The following PRKCQ variants were observed in gnomAD, a reference collection of about 807,000 sequenced individuals.
PRKCQ encodes protein kinase C theta type.
Under a neutral mutation model 91.2 loss-of-function variants are expected in PRKCQ, and 41 were observed. The ratio of observed to expected loss-of-function variants is 0.45; its 90% confidence interval spans 0.35 to 0.58. The LOEUF (loss-of-function observed/expected upper bound fraction) is 0.58, where lower values mean the gene tolerates loss of function less well. Among genes scored for constraint, PRKCQ ranks in the 20% least tolerant of loss-of-function variants. The pLI, the probability that PRKCQ is intolerant of heterozygous loss-of-function variation, is 0.00. For missense variants in PRKCQ, 673 were observed against 896.5 expected, an observed-to-expected ratio of 0.75 and a Z score of 3.18; for synonymous variants, 307 against 316.9, an observed-to-expected ratio of 0.97 and a Z score of 0.33.
At chr10:6,459,901 G>A (rs941710770) in intron 14 of PRKCQ, among the ~76,000 whole-genome samples, 1 of 152,196 alleles carries the variant, frequency 6.6e-6, no homozygotes, top group Non-Finnish European at 1.5e-5. Context: ...AACAAATTCA[G>A]AAAATTATTA....
In PRKCQ at chr10:6,523,536, C is replaced by T. The variant is rs982956042; in HGVS notation, c.-9-8392G>A. Among the ~76,000 whole-genome samples, 5 of 152,202 alleles carry T rather than the reference C, an allele frequency of 3.3e-5. No homozygotes were observed. In the East Asian group the frequency reaches 5.8e-4, roughly 18 times the overall value. ...ATACAGTGACAAAGGAAACCGAAGG[C>T]TAACAGTCAACCCTCAGTCAGAACT... On this transcript the variant is annotated intron_variant, in intron 1 of 17. Transcript: ENST00000263125.
intron 13 of PRKCQ, among the ~76,000 whole-genome samples, chr10:6,462,887 C>A (rs1290201670): frequency 6.6e-6 from 1 of 151,808 alleles, no homozygotes; most frequent in Non-Finnish European, 1.5e-5. Flanking sequence ...CGCCTGTAGC[C>A]CCATCTACTC....
At chr10:6,457,469 C>G (rs1306336007) in intron 14 of PRKCQ, among the ~76,000 whole-genome samples, 2 of 152,164 alleles carry the variant, frequency 1.3e-5, no homozygotes, top group African/African-American at 4.8e-5. Context: ...AAAATGACAT[C>G]AAGTTTTCTC....
rs570994783 is a variant in PRKCQ at position 6,544,874 on chromosome 10, C to A, written c.-9-29730G>T. 2.6e-5 allele frequency among the ~76,000 whole-genome samples: 4 copies of A among 152,272 alleles called. No homozygotes were observed. The South Asian group carries it at 8.3e-4, about 32-fold the overall frequency. On this transcript the variant is annotated intron_variant, in intron 1 of 17. Transcript: ENST00000263125. ...TGACCTCATGATCCGCCTGCCTCGG[C>A]CTCCCAAAGTGCTGGGATTACAGGC...
intron 1 of PRKCQ, among the ~76,000 whole-genome samples, chr10:6,522,081 A>T (rs1292609002): frequency 6.6e-6 from 1 of 152,114 alleles, no homozygotes; most frequent in Non-Finnish European, 1.5e-5. Context: ...TAGCGGGATT[A>T]CAGGTGCGTG....
intron 8 of PRKCQ, among the ~76,000 whole-genome samples, chr10:6,491,148 A>G (rs1837274013): frequency 2.0e-5 from 3 of 152,214 alleles, no homozygotes; most frequent in African/African-American, 7.2e-5. Context: ...CTTGGAGTTC[A>G]CAGCAATGGT....
rs1216275498 is a variant in PRKCQ at position 6,452,795 on chromosome 10, C to A, written c.1647+3879G>T. On this transcript the variant is annotated intron_variant, in intron 15 of 17. Coordinates refer to ENST00000263125, the MANE Select transcript of PRKCQ (RefSeq NM_006257.5). ...TTATCTACAACTATCTGATCTTTGA[C>A]AAACCTGAGAAAAACAAGCAATGGG... Among the ~76,000 whole-genome samples, 3 of 150,310 alleles carry A rather than the reference C, an allele frequency of 2.0e-5. No homozygotes were observed. In the East Asian group the frequency reaches 5.9e-4, roughly 29 times the overall value.
At chr10:6,537,889 C>G (rs572908736) in intron 1 of PRKCQ, among the ~76,000 whole-genome samples, 1 of 152,222 alleles carries the variant, frequency 6.6e-6, no homozygotes, top group Admixed American at 6.5e-5. Flanking sequence ...CAGCGCCCCC[C>G]TTCCCTGCAC....
chr10:6,398,073 G>A, the PRKCQ span, among the ~76,000 whole-genome samples: 1 of 152,212 alleles, frequency 6.6e-6, no homozygotes, highest in South Asian at 2.1e-4. Context: ...TGAGATTGGG[G>A]TTCAAGCTCA....
chr10:6,428,379 G>T lies in PRKCQ; in HGVS notation c.1966-17C>A. ...TGGTGATTTCTTAGTCAGAGTTTAA[G>T]GGAAGAAAGAAAGAGAAGAAAAATC... On this transcript the variant is annotated splice_polypyrimidine_tract_variant and intron_variant, in intron 17 of 17. Coordinates refer to ENST00000263125, the MANE Select transcript of PRKCQ (RefSeq NM_006257.5). 6.2e-7 allele frequency: 1 copy of T among 1,605,920 alleles called. No individual in the cohort carries two copies. The highest frequency in any genetic ancestry group is 8.5e-7 in the Non-Finnish European group (1 of 1,175,964).
intron 1 of PRKCQ, among the ~76,000 whole-genome samples, chr10:6,564,421 A>T (rs1461838221): frequency 6.6e-6 from 1 of 152,046 alleles, no homozygotes; most frequent in African/African-American, 2.4e-5. Flanking sequence ...ATGCCACTGT[A>T]CTGCTCGCCC....
intron 14 of PRKCQ, among the ~76,000 whole-genome samples, chr10:6,461,310 C>T (rs1835338298): frequency 6.6e-6 from 1 of 152,188 alleles, no homozygotes. Context: ...CCACCCCACA[C>T]AATTTAGTCA....
Position 6,496,896 on chromosome 10 carries a change from A to C in PRKCQ, c.660+139T>G, listed in dbSNP as rs1365737909. ...TCAGTAAGAATCATTATTGAAGAGGAAAGAGTTTTGGGGAGATGGATGTTC... is the reference window on the plus strand; with the variant it reads ...TCAGTAAGAATCATTATTGAAGAGGCAAGAGTTTTGGGGAGATGGATGTTC... On this transcript the variant is annotated intron_variant, in intron 7 of 17. Transcript: ENST00000263125. 3 of 798,206 alleles carry C rather than the reference A, an allele frequency of 3.8e-6. No individual in the cohort carries two copies. In the South Asian group the frequency reaches 4.9e-5, roughly 13 times the overall value. 49.4% of individuals were successfully genotyped at this position (798,206 alleles called of 1,614,324 possible). A position where few individuals can be genotyped will look rare whatever the true frequency, so the allele number is the denominator to read the frequency against.
At position 6,485,154 on chromosome 10, in the gene PRKCQ, CT is replaced by C; in HGVS notation, c.1015del (p.Arg339GlufsTer26). ...RPPCLPTPGK[R>X]EPQGISWESP... ...AGACTGCTGATCAGGACAGCTACCT[CT>C]TTTTCCCGGTGTCGGTAAACATGGC... is the stretch of plus-strand genomic sequence containing the variant. On this transcript the variant is annotated frameshift_variant, in exon 10 of 18. Coordinates refer to ENST00000263125, the MANE Select transcript of PRKCQ (RefSeq NM_006257.5). LOFTEE classifies it high-confidence loss of function. 1 of 1,612,480 alleles carries C rather than the reference CT, an allele frequency of 6.2e-7. No homozygotes were observed.
At chr10:6,467,321 C>G (rs144909441) in intron 12 of PRKCQ, among the ~76,000 whole-genome samples, 8 of 97,320 alleles carry the variant, frequency 8.2e-5, no homozygotes, top group South Asian at 7.2e-4. Flanking sequence ...GAGAGAGAGA[C>G]AGAGAGAGAC....
intron 8 of PRKCQ, among the ~76,000 whole-genome samples, chr10:6,490,764 AAAG>A (rs547534379): frequency 2.8e-4 from 42 of 152,196 alleles, no homozygotes; most frequent in African/African-American, 7.7e-4. Context: ...AAAAAAAGTA[AAAG>A]AAGAAGAAAA....
chr10:6,472,345 A>G (rs1309432021), intron 12 of PRKCQ, among the ~76,000 whole-genome samples: 1 of 152,172 alleles, frequency 6.6e-6, no homozygotes, highest in Non-Finnish European at 1.5e-5. Context: ...GCATGTAGGA[A>G]AGATGCGGCA....
the PRKCQ span, among the ~76,000 whole-genome samples, chr10:6,420,200 G>A: frequency 6.6e-6 from 1 of 152,182 alleles, no homozygotes; most frequent in African/African-American, 2.4e-5. Flanking sequence ...TATTGGTCAA[G>A]CTGGTGTCGA....
intron 1 of PRKCQ, among the ~76,000 whole-genome samples, chr10:6,543,712 G>A (rs1224408284): frequency 5.3e-5 from 8 of 152,164 alleles, no homozygotes; most frequent in Non-Finnish European, 7.4e-5. Flanking sequence ...AGAGAAACAC[G>A]CTGAGCAGGG....
Sources: gnomAD v4.1 joint callset for allele counts (sites outside exome capture counted in the v4.1 genomes callset) on GRCh38, gnomAD v4.1.1 for gene constraint, MANE v1.5 for transcripts, NCBI Gene and HGNC (gene_info 2026-07-23, HGNC 2026-07-21) for gene names.